PBX1: variants seen among roughly 807,000 people sequenced by gnomAD.
PBX1 encodes pre-B-cell leukemia transcription factor 1.
PBX1 carries 6 observed loss-of-function variants against 53.4 expected under a neutral mutation model. The observed-to-expected ratio is 0.11, with a 90% CI of 0.06 to 0.22. PBX1 has a LOEUF of 0.22. PBX1 is among the 10% of genes least tolerant of loss of function. The pLI, the probability that PBX1 is intolerant of heterozygous loss-of-function variation, is 1.00. For synonymous variants in PBX1, 204 were observed against 212.3 expected, an observed-to-expected ratio of 0.96 and a Z score of 0.34; for missense variants, 251 against 551.4, an observed-to-expected ratio of 0.46 and a Z score of 5.46.
rs60518864 is a variant in PBX1 at position 164,773,243 on chromosome 1, G to GCACACACACACACA, written c.266-19234_266-19221dup. ...CAGCTCTTGCATATAGGTAACACGC[G>GCACACACACACACA]CACACACACACACACACACACACAC... On this transcript the variant is annotated intron_variant, in intron 2 of 8. Coordinates refer to ENST00000420696, the MANE Select transcript of PBX1 (RefSeq NM_002585.4). Among the ~76,000 whole-genome samples, 1,373 of 147,720 alleles carry GCACACACACACACA rather than the reference G, an allele frequency of 9.3e-3. 14 individuals are homozygous for GCACACACACACACA. Among genetic ancestry groups the GCACACACACACACA allele is most frequent in the East Asian group, 0.031 (152 of 4,900 alleles).
At chr1:164,843,896 T>C (rs1223461674) in intron 8 of PBX1, among the ~76,000 whole-genome samples, 1 of 152,112 alleles carries the variant, frequency 6.6e-6, no homozygotes, top group Non-Finnish European at 1.5e-5. Context: ...CTAATTTTCT[T>C]TACTAATGGC....
intron 4 of PBX1, among the ~76,000 whole-genome samples, chr1:164,800,583 T>C (rs978289749): frequency 5.9e-5 from 9 of 152,252 alleles, no homozygotes; most frequent in African/African-American, 2.2e-4. Context: ...ATCTCTTGTT[T>C]CATCTACTCT....
At chr1:164,636,824 C>T (rs895925327) in intron 2 of PBX1, among the ~76,000 whole-genome samples, 2 of 152,016 alleles carry the variant, frequency 1.3e-5, no homozygotes, top group East Asian at 1.9e-4. Context: ...CTTTCATGGC[C>T]AGAATGGGGA....
intron 8 of PBX1, among the ~76,000 whole-genome samples, chr1:164,835,902 A>T (rs558001762): frequency 3.9e-4 from 59 of 152,280 alleles, no homozygotes; most frequent in African/African-American, 1.3e-3. Flanking sequence ...CTAGCTTGAC[A>T]TTTTCTATTT....
chr1:164,649,510 C>T (rs954723893), intron 2 of PBX1, among the ~76,000 whole-genome samples: 2 of 152,070 alleles, frequency 1.3e-5, no homozygotes, highest in Non-Finnish European at 2.9e-5. Flanking sequence ...TCAGTTTTTT[C>T]CCCCCAGTAT....
At chr1:164,560,892 T>C (rs976359651) in intron 1 of PBX1, among the ~76,000 whole-genome samples, 11 of 152,218 alleles carry the variant, frequency 7.2e-5, no homozygotes, top group African/African-American at 2.4e-4. Context: ...ATGAATTTTA[T>C]ATATTTCAGT....
At chr1:164,588,473 CTTTTTT>C (rs371768861) in intron 2 of PBX1, among the ~76,000 whole-genome samples, 15 of 73,046 alleles carry the variant, frequency 2.1e-4, no homozygotes, top group African/African-American at 4.0e-4. Context: ...CCGGACTAAG[CTTTTTT>C]TTTTTTTTTT....
At chr1:164,590,160 C>T (rs1392413468) in intron 2 of PBX1, among the ~76,000 whole-genome samples, 3 of 151,074 alleles carry the variant, frequency 2.0e-5, no homozygotes, top group Admixed American at 6.6e-5. Context: ...TGCAGTGAGC[C>T]GTGATCGTGC....
At chr1:164,753,970 G>T (rs1197127431) in intron 2 of PBX1, among the ~76,000 whole-genome samples, 5 of 152,280 alleles carry the variant, frequency 3.3e-5, no homozygotes, top group African/African-American at 1.2e-4. Flanking sequence ...TGGAGAAGGG[G>T]TCAGTACTCT....
rs561656893 is a variant in PBX1, at chr1:164,812,259, A to G, written c.997+110A>G. On this transcript the variant is annotated intron_variant, in intron 6 of 8. Transcript: ENST00000420696. Reference sequence around the variant, plus strand: ...AATTTGTTAGGCTTTTGATTGGTTAATTTCTGTATTTGATTGTATTTTTGG... The same window carrying G: ...AATTTGTTAGGCTTTTGATTGGTTAGTTTCTGTATTTGATTGTATTTTTGG... 30 of 1,013,346 alleles carry G rather than the reference A, an allele frequency of 3.0e-5. No individual in the cohort carries two copies. The African/African-American group carries it at 4.1e-4, about 14-fold the overall frequency. 62.8% of individuals were successfully genotyped at this position (1,013,346 alleles called of 1,614,324 possible). A position where few individuals can be genotyped will look rare whatever the true frequency, so the allele number is the denominator to read the frequency against.
At position 164,635,900 on chromosome 1, in the gene PBX1, A is replaced by G. The variant is rs972145703; in HGVS notation, c.265+72589A>G. Among the ~76,000 whole-genome samples, 5 of 152,292 alleles carry G rather than the reference A, an allele frequency of 3.3e-5. No homozygotes were observed. In the South Asian group the frequency reaches 1.0e-3, roughly 32 times the overall value. ...TCTCTCTGTGTGGCAAGCTCAGTAAAGATGTCTTGGTGTACCTTATTCACA... is the reference window on the plus strand; with the variant it reads ...TCTCTCTGTGTGGCAAGCTCAGTAAGGATGTCTTGGTGTACCTTATTCACA... On this transcript the variant is annotated intron_variant, in intron 2 of 8. Coordinates refer to ENST00000420696, the MANE Select transcript of PBX1 (RefSeq NM_002585.4).
intron 2 of PBX1, among the ~76,000 whole-genome samples, chr1:164,704,059 G>A (rs989790719): frequency 6.6e-6 from 1 of 152,134 alleles, no homozygotes; most frequent in Non-Finnish European, 1.5e-5. Context: ...ATAGATGCTT[G>A]TCAGAAATAA....
intron 2 of PBX1, among the ~76,000 whole-genome samples, chr1:164,748,817 C>A (rs1035379471): frequency 1.3e-5 from 2 of 152,064 alleles, no homozygotes; most frequent in African/African-American, 2.4e-5. Context: ...GAACATATCA[C>A]CCTAACCGCA....
chr1:164,681,100 C>G (rs202235264), intron 2 of PBX1, among the ~76,000 whole-genome samples: 2,528 of 7,662 alleles, frequency 0.33, 54 homozygotes, highest in South Asian at 0.53. Context: ...AAAAATTAAC[C>G]TGTCATGATG....
intron 2 of PBX1, among the ~76,000 whole-genome samples, chr1:164,739,765 G>A (rs1418128948): frequency 1.6e-4 from 17 of 107,166 alleles, no homozygotes; most frequent in African/African-American, 4.5e-4. Context: ...GTGTGTGTGT[G>A]TGTGTGTGTG....
intron 2 of PBX1, among the ~76,000 whole-genome samples, chr1:164,712,449 C>T (rs960144444): frequency 3.3e-5 from 5 of 152,294 alleles, no homozygotes; most frequent in South Asian, 4.1e-4. Flanking sequence ...GCAGCCTTAT[C>T]GCTCGGGAGA....
At chr1:164,759,490 C>G (rs1344380672) in intron 2 of PBX1, among the ~76,000 whole-genome samples, 1 of 152,204 alleles carries the variant, frequency 6.6e-6, no homozygotes, top group Non-Finnish European at 1.5e-5. Flanking sequence ...GCTTCATGTG[C>G]TAGCTCCCAT....
chr1:164,754,785 T>C lies in PBX1; in HGVS notation c.266-37709T>C, dbSNP rs142943258. On this transcript the variant is annotated intron_variant, in intron 2 of 8. Coordinates refer to ENST00000420696, the MANE Select transcript of PBX1 (RefSeq NM_002585.4). ...TTTTTTGTGTTAAGTATGTTGTAGG[T>C]GGTACTCCAGCTCCTCTGAAGTTTA... Among the ~76,000 whole-genome samples the C allele has an allele frequency of 4.7e-3, 717 of 152,248 alleles. 4 individuals carry two copies. Among genetic ancestry groups the C allele is most frequent in the African/African-American group, 0.017 (698 of 41,540 alleles).
rs148574435 is a variant in PBX1, at chr1:164,800,611, T to C, written c.701+722T>C. On this transcript the variant is annotated intron_variant, in intron 4 of 8. Transcript: ENST00000420696. Reference sequence around the variant, plus strand: ...TCTACTCTCTAGACCGGTAGATTTATGTGAAACCCTTTGATTCCTTTTGCT... The same window carrying C: ...TCTACTCTCTAGACCGGTAGATTTACGTGAAACCCTTTGATTCCTTTTGCT... 6.6e-5 allele frequency among the ~76,000 whole-genome samples: 10 copies of C among 152,382 alleles called. No individual in the cohort carries two copies. The East Asian group carries it at 1.7e-3, about 26-fold the overall frequency.
Sources: allele counts gnomAD v4.1 joint callset (sites outside exome capture counted in the v4.1 genomes callset), GRCh38; gene constraint gnomAD v4.1.1; transcripts MANE v1.5; gene names NCBI Gene and HGNC (gene_info 2026-07-23, HGNC 2026-07-21).